The following MAML3 variants were observed in gnomAD, a reference collection of about 807,000 sequenced individuals.
MAML3 encodes the protein mastermind like transcriptional coactivator 3.
In MAML3, 27 loss-of-function variants were observed where a neutral mutation model predicts 101.9. That is an observed-to-expected ratio of 0.27 (90% CI 0.20 to 0.37). The LOEUF is 0.37. Among genes scored for constraint, MAML3 ranks in the 10% least tolerant of loss-of-function variants. The pLI, the probability that MAML3 is intolerant of heterozygous loss-of-function variation, is 1.00. For missense variants in MAML3, 1,316 were observed against 1,444.9 expected (o/e 0.91, Z 1.45); for synonymous variants, 501 against 555.9 (o/e 0.90, Z 1.39).
At chr4:140,006,585 CAAAA>C (rs34273207) in intron 1 of MAML3, among the ~76,000 whole-genome samples, 1 of 93,324 alleles carries the variant, frequency 1.1e-5, no homozygotes. Flanking sequence ...AACTCTGTCT[CAAAA>C]AAAAAAAAAA....
intron 2 of MAML3, among the ~76,000 whole-genome samples, chr4:139,856,096 G>C (rs1442202892): frequency 6.6e-6 from 1 of 152,174 alleles, no homozygotes; most frequent in African/African-American, 2.4e-5. Context: ...GAGACTAAAA[G>C]CTCCTGGAGA....
At chr4:139,856,528 G>T (rs1160793805) in intron 2 of MAML3, among the ~76,000 whole-genome samples, 2 of 152,344 alleles carry the variant, frequency 1.3e-5, no homozygotes, top group African/African-American at 4.8e-5. Context: ...AACTGTCAGT[G>T]ATCACAAAGC....
At chr4:140,055,786 G>T (rs1244639854) in intron 1 of MAML3, among the ~76,000 whole-genome samples, 1 of 151,982 alleles carries the variant, frequency 6.6e-6, no homozygotes, top group Non-Finnish European at 1.5e-5. Context: ...ACCAGAGACA[G>T]ATGGTGACCA....
At chr4:139,770,636 C>T (rs1729957046) in intron 2 of MAML3, among the ~76,000 whole-genome samples, 1 of 152,168 alleles carries the variant, frequency 6.6e-6, no homozygotes, top group Non-Finnish European at 1.5e-5. Flanking sequence ...AAATAAAAGT[C>T]TGACCCTGCT....
intron 2 of MAML3, among the ~76,000 whole-genome samples, chr4:139,851,497 T>G (rs1174978349): frequency 6.6e-6 from 1 of 152,232 alleles, no homozygotes; most frequent in Non-Finnish European, 1.5e-5. Flanking sequence ...TGTCTTAGAA[T>G]GTAGAATGTC....
chr4:140,074,205 G>GA (rs764063047), intron 1 of MAML3, among the ~76,000 whole-genome samples: 1 of 119,964 alleles, frequency 8.3e-6, no homozygotes, highest in Admixed American at 8.7e-5. Context: ...GAAAGAGAAA[G>GA]AAAGAAAGAA....
intron 2 of MAML3, among the ~76,000 whole-genome samples, chr4:139,839,753 A>G (rs1375513018): frequency 6.6e-6 from 1 of 152,200 alleles, no homozygotes; most frequent in African/African-American, 2.4e-5. Flanking sequence ...AGGAATGGCT[A>G]TATCACTAAT....
At chr4:140,100,774 G>A (rs146827570) in intron 1 of MAML3, among the ~76,000 whole-genome samples, 43 of 152,108 alleles carry the variant, frequency 2.8e-4, no homozygotes, top group African/African-American at 9.6e-4. Flanking sequence ...CACAACCTGC[G>A]TCCACCACTT....
chr4:140,128,374 A>G (rs545740129), intron 1 of MAML3, among the ~76,000 whole-genome samples: 1 of 152,206 alleles, frequency 6.6e-6, no homozygotes, highest in Non-Finnish European at 1.5e-5. Context: ...AACAACCTGC[A>G]GGGCTAAAAA....
intron 2 of MAML3, among the ~76,000 whole-genome samples, chr4:139,870,575 G>A (rs894508579): frequency 3.3e-5 from 5 of 152,066 alleles, no homozygotes; most frequent in South Asian, 2.1e-4. Context: ...CAGGGTCTTC[G>A]TTTCCTCATC....
intron 3 of MAML3, among the ~76,000 whole-genome samples, chr4:139,729,437 T>C (rs941500192): frequency 3.9e-5 from 6 of 152,114 alleles, no homozygotes; most frequent in Non-Finnish European, 8.8e-5. Context: ...CTGGTCAACA[T>C]AGTGCGACCC....
chr4:139,954,475 T>A (rs573465553), intron 1 of MAML3, among the ~76,000 whole-genome samples: 1 of 152,312 alleles, frequency 6.6e-6, no homozygotes, highest in African/African-American at 2.4e-5. Context: ...GGAGTCCGCA[T>A]CAGTGGGTCT....
chr4:139,970,235 C>T (rs531534863), intron 1 of MAML3, among the ~76,000 whole-genome samples: 2 of 152,090 alleles, frequency 1.3e-5, no homozygotes, highest in Non-Finnish European at 2.9e-5. Flanking sequence ...GCTTCACGGA[C>T]AAGGTAGCAT....
intron 1 of MAML3, among the ~76,000 whole-genome samples, chr4:139,928,805 GT>G (rs1385917867): frequency 2.0e-5 from 3 of 152,180 alleles, no homozygotes; most frequent in African/African-American, 7.2e-5. Flanking sequence ...AAGTTTGTGA[GT>G]AGAGAAGTGA....
chr4:140,047,957 A>G (rs1296329402), intron 1 of MAML3, among the ~76,000 whole-genome samples: 1 of 152,188 alleles, frequency 6.6e-6, no homozygotes, highest in Non-Finnish European at 1.5e-5. Flanking sequence ...AAAACATTCC[A>G]GTTCTCAACA....
intron 1 of MAML3, among the ~76,000 whole-genome samples, chr4:140,015,287 A>C (rs1013113083): frequency 6.6e-6 from 1 of 152,222 alleles, no homozygotes; most frequent in Non-Finnish European, 1.5e-5. Flanking sequence ...GAAATTTAAA[A>C]TCATGAAACA....
In MAML3 at chr4:140,069,125, T is replaced by G. The variant is rs1479609767; in HGVS notation, c.468+83735A>C. 5.9e-5 allele frequency among the ~76,000 whole-genome samples: 9 copies of G among 152,186 alleles called. No individual in the cohort carries two copies. The East Asian group carries it at 1.5e-3, about 26-fold the overall frequency. ...GAATAACCACATAATCAATATGTGA[T>G]TCTATCAGCTTCGACTTTACATGGG... On this transcript the variant is annotated intron_variant, in intron 1 of 4. Transcript: ENST00000509479.
At chr4:140,152,645 C>G (rs1729195427) in intron 1 of MAML3, among the ~76,000 whole-genome samples, 2 of 152,264 alleles carry the variant, frequency 1.3e-5, no homozygotes, top group East Asian at 1.9e-4. Flanking sequence ...CTCTCGCCCC[C>G]TCCTCCCCAA....
intron 2 of MAML3, among the ~76,000 whole-genome samples, chr4:139,757,572 C>G (rs943960345): frequency 6.8e-6 from 1 of 147,262 alleles, no homozygotes; most frequent in Admixed American, 7.0e-5. Flanking sequence ...ACTGCTTGAA[C>G]CTGGGAGATG....
Sources: allele counts gnomAD v4.1 joint callset (sites outside exome capture counted in the v4.1 genomes callset), GRCh38; gene constraint gnomAD v4.1.1; transcripts MANE v1.5; gene names NCBI Gene and HGNC (gene_info 2026-07-23, HGNC 2026-07-21).